Variants in COQ5 observed in about 807,000 individuals in gnomAD.
COQ5 encodes 2-methoxy-6-polyprenyl-1,4-benzoquinol methylase, mitochondrial.
A neutral mutation model predicts 40.5 loss-of-function variants in COQ5; 27 were observed. The ratio of observed to expected loss-of-function variants is 0.67; its 90% CI spans 0.49 to 0.92. COQ5 has a LOEUF of 0.92. Ranked by LOEUF, COQ5 falls within the 40% of genes least tolerant of loss-of-function variation. The pLI, the probability that COQ5 is intolerant of heterozygous loss-of-function variation, is 0.00. For missense variants in COQ5, 409 were observed against 406.4 expected (o/e 1.01, Z -0.06); for synonymous variants, 141 against 150.0 (o/e 0.94, Z 0.44).
In COQ5 at chr12:120,503,301, G is replaced by A. The variant is rs1868715010; in HGVS notation, c.*483C>T. On this transcript the variant is annotated 3_prime_UTR_variant, in exon 7 of 7. Coordinates refer to ENST00000288532, the MANE Select transcript of COQ5 (RefSeq NM_032314.4). ...CCATCAAAAGGTAAACTCGTTTACT[G>A]GTTCAGCACACAATTCTCATGATCA... The A allele has an allele frequency of 3.5e-6, 1 of 282,674 alleles. No homozygotes were observed. The highest frequency in any genetic ancestry group is 8.0e-5 in the East Asian group (1 of 12,534). 17.5% of individuals were successfully genotyped at this position (282,674 alleles called of 1,614,324 possible).
At chr12:120,528,817 A>AG (rs1870085704) in intron 1 of COQ5, 123 bp downstream of exon 1, 1 of 975,024 alleles carries the variant, frequency 1.0e-6, no homozygotes, top group East Asian at 2.4e-5. Flanking sequence ...AAAAAAAAAA[A>AG]AATCATAACT....
chr12:120,506,537 T>C (rs1221914790), intron 4 of COQ5, among the ~76,000 whole-genome samples: 1 of 151,960 alleles, frequency 6.6e-6, no homozygotes, highest in South Asian at 2.1e-4. Context: ...CGGCTAATTT[T>C]TGCATTTTTA....
chr12:120,516,270 A>C (rs1015032194), intron 3 of COQ5, among the ~76,000 whole-genome samples: 2 of 152,142 alleles, frequency 1.3e-5, no homozygotes, highest in Non-Finnish European at 2.9e-5. Context: ...TGAAGATTCA[A>C]CTCCAATTTG....
At chr12:120,523,373 G>A in intron 1 of COQ5, 2 of 358,266 alleles carry the variant, frequency 5.6e-6, no homozygotes, top group African/African-American at 2.2e-5. Context: ...TTTGTGATCG[G>A]GGTTTCTTGA....
intron 1 of COQ5, among the ~76,000 whole-genome samples, chr12:120,525,563 C>A (rs1183435178): frequency 6.6e-6 from 1 of 152,084 alleles, no homozygotes; most frequent in Non-Finnish European, 1.5e-5. Flanking sequence ...CTGCAGTGTG[C>A]TATGATTGTG....
At chr12:120,521,088 C>T (rs192165951) in intron 2 of COQ5, among the ~76,000 whole-genome samples, 4 of 126,510 alleles carry the variant, frequency 3.2e-5, no homozygotes, top group Admixed American at 8.7e-5. Context: ...TTTTTTGAGA[C>T]GGAATCTTGC....
intron 3 of COQ5, among the ~76,000 whole-genome samples, chr12:120,514,939 T>C (rs1176684772): frequency 6.6e-6 from 1 of 151,950 alleles, no homozygotes; most frequent in Non-Finnish European, 1.5e-5. Flanking sequence ...ATTACAGGCA[T>C]GTGTCACCAC....
intron 3 of COQ5, among the ~76,000 whole-genome samples, chr12:120,511,774 G>GT (rs1869146211): frequency 6.6e-6 from 1 of 152,160 alleles, no homozygotes; most frequent in South Asian, 2.1e-4. Context: ...TATACAGTCA[G>GT]TAAACGAATG....
chr12:120,523,052 T>C, intron 1 of COQ5: 1 of 444,236 alleles, frequency 2.3e-6, no homozygotes, highest in African/African-American at 2.0e-5. Flanking sequence ...AAAGAGATTC[T>C]TATCGGCCAG....
intron 3 of COQ5, among the ~76,000 whole-genome samples, chr12:120,511,018 C>T (rs1299440810): frequency 6.6e-6 from 1 of 152,004 alleles, no homozygotes; most frequent in Non-Finnish European, 1.5e-5. Flanking sequence ...CGCCTGAAAT[C>T]CCAGCATTTT....
intron 3 of COQ5, among the ~76,000 whole-genome samples, chr12:120,512,871 A>G (rs1565930510): frequency 6.6e-6 from 1 of 151,268 alleles, no homozygotes; most frequent in Non-Finnish European, 1.5e-5. Flanking sequence ...TAGCCTGGCC[A>G]ACATGGCAAA....
At chr12:120,522,093 A>C (rs1166534359) in intron 2 of COQ5, 121 bp downstream of exon 2, 4 of 948,960 alleles carry the variant, frequency 4.2e-6, no homozygotes, top group Non-Finnish European at 6.5e-6. Context: ...AGAAGTTATA[A>C]GTATGCAGAT....
intron 3 of COQ5, among the ~76,000 whole-genome samples, chr12:120,515,983 G>A (rs925775395): frequency 2.6e-5 from 4 of 152,200 alleles, no homozygotes; most frequent in African/African-American, 9.6e-5. Context: ...GAGTGCAGAG[G>A]TGCAATCATA....
At chr12:120,512,551 G>A (rs905036913) in intron 3 of COQ5, among the ~76,000 whole-genome samples, 25 of 152,070 alleles carry the variant, frequency 1.6e-4, no homozygotes, top group Non-Finnish European at 3.5e-4. Context: ...AGTGAGCTGA[G>A]ATCGTACCAC....
In COQ5 at chr12:120,523,056, C is replaced by A. The variant is rs954279320; in HGVS notation, c.203-693G>T. The A allele has an allele frequency of 1.2e-5, 5 of 419,340 alleles. No homozygotes were observed. The East Asian group carries it at 1.4e-4, about 12-fold the overall frequency. 26.0% of individuals were successfully genotyped at this position (419,340 alleles called of 1,614,324 possible). A position where few individuals can be genotyped will look rare whatever the true frequency, so the allele number is the denominator to read the frequency against. ...TTATAAAAAAAAAAGAGATTCTTAT[C>A]GGCCAGGCGCGGTGGCTCATGCCTG... is the stretch of plus-strand genomic sequence containing the variant. On this transcript the variant is annotated intron_variant, in intron 1 of 6. Coordinates refer to ENST00000288532, the MANE Select transcript of COQ5 (RefSeq NM_032314.4).
At chr12:120,522,962 T>C in intron 1 of COQ5, 1 of 594,046 alleles carries the variant, frequency 1.7e-6, no homozygotes, top group Non-Finnish European at 3.0e-6. Context: ...TTTTTAGGCC[T>C]TTCTTGTTGT....
At chr12:120,522,398 A>G (rs940289983) in intron 1 of COQ5, 35 bp from the exon 2 acceptor site, 2 of 1,605,878 alleles carry the variant, frequency 1.2e-6, no homozygotes, top group Admixed American at 3.3e-5. Context: ...TAGTGCTATT[A>G]ACAGAATTCC....
At chr12:120,504,805 T>G (rs1868806338) in intron 5 of COQ5, 90 bp downstream of exon 5, 2 of 1,106,758 alleles carry the variant, frequency 1.8e-6, no homozygotes, top group African/African-American at 1.5e-5. Context: ...ACAAAGTTCA[T>G]GCTTATAGCT....
intron 4 of COQ5, 58 bp from the exon 5 acceptor site, chr12:120,505,041 G>A: frequency 2.1e-6 from 3 of 1,400,722 alleles, no homozygotes; most frequent in East Asian, 2.3e-5. Context: ...TCAATTCCAT[G>A]AGGCCAAGAC....
Sources: allele counts gnomAD v4.1 joint callset (sites outside exome capture counted in the v4.1 genomes callset), GRCh38; gene constraint gnomAD v4.1.1; transcripts MANE v1.5; gene names NCBI Gene and HGNC (gene_info 2026-07-23, HGNC 2026-07-21).